The following AP2B1 variants were observed in gnomAD, a reference collection of about 807,000 sequenced individuals.
The protein encoded by AP2B1 is adaptor related protein complex 2 subunit beta 1.
Under a neutral mutation model 102.0 loss-of-function variants are expected in AP2B1, and 23 were observed. That is an observed-to-expected ratio of 0.23 (90% CI 0.16 to 0.32). The LOEUF (loss-of-function observed/expected upper bound fraction) is 0.32. Ranked by LOEUF, AP2B1 falls within the 10% of genes least tolerant of loss-of-function variation. The pLI is 1.00. For missense variants in AP2B1, 541 were observed against 1,157.4 expected, an observed-to-expected ratio of 0.47 and a Z score of 7.73; for synonymous variants, 381 against 421.2, an observed-to-expected ratio of 0.90 and a Z score of 1.17.
intron 12 of AP2B1, among the ~76,000 whole-genome samples, chr17:35,643,003 T>C (rs1235779549): frequency 6.6e-6 from 1 of 151,680 alleles, no homozygotes; most frequent in Non-Finnish European, 1.5e-5. Flanking sequence ...ACAATTTCTT[T>C]ATTCCTCCCA....
At chr17:35,696,092 C>A (rs1184250796) in intron 18 of AP2B1, among the ~76,000 whole-genome samples, 1 of 152,118 alleles carries the variant, frequency 6.6e-6, no homozygotes, top group Non-Finnish European at 1.5e-5. Context: ...GGTGATCTAG[C>A]TATGCCTTTC....
intron 18 of AP2B1, among the ~76,000 whole-genome samples, chr17:35,691,288 TC>T (rs1355070986): frequency 6.6e-6 from 1 of 152,180 alleles, no homozygotes; most frequent in African/African-American, 2.4e-5. Flanking sequence ...CCCTTGCTAC[TC>T]CTACATGTAG....
At chr17:35,612,226 A>C (rs927698177) in intron 5 of AP2B1, among the ~76,000 whole-genome samples, 14 of 152,172 alleles carry the variant, frequency 9.2e-5, no homozygotes, top group African/African-American at 3.4e-4. Flanking sequence ...GGAGTGTAAA[A>C]TTTAAGAAGA....
chr17:35,608,130 T>A lies in AP2B1; in HGVS notation c.280-12T>A. On this transcript the variant is annotated splice_polypyrimidine_tract_variant and intron_variant, in intron 4 of 21. Transcript: ENST00000610402. ...ATGTATACCTACAGTTGTTGGTGAT[T>A]GTTTTCTGCAGGACTGTGAAGATCC... 6.2e-7 allele frequency: 1 copy of A among 1,612,352 alleles called. No individual in the cohort carries two copies. Among genetic ancestry groups the A allele is most frequent in the Non-Finnish European group, 8.5e-7 (1 of 1,179,718 alleles).
At chr17:35,676,293 A>G (rs1294021600) in intron 17 of AP2B1, among the ~76,000 whole-genome samples, 1 of 152,062 alleles carries the variant, frequency 6.6e-6, no homozygotes, top group Non-Finnish European at 1.5e-5. Context: ...CATGTTTACT[A>G]TGATGTCTGT....
At chr17:35,687,921 A>G (rs761617243) in intron 18 of AP2B1, among the ~76,000 whole-genome samples, 5 of 152,220 alleles carry the variant, frequency 3.3e-5, no homozygotes, top group South Asian at 2.1e-4. Flanking sequence ...TTTTTCCTCA[A>G]TAAAACTTTT....
chr17:35,623,959 T>A lies in AP2B1; in HGVS notation c.526-438T>A, dbSNP rs2074251445. On this transcript the variant is annotated intron_variant, in intron 5 of 21. Coordinates refer to ENST00000610402, the MANE Select transcript of AP2B1 (RefSeq NM_001030006.2). ...ACTCTAAGACTTGTAGTATGATTAA[T>A]GGTGTCACCTCCCCCAAACCCATAC... Among the ~76,000 whole-genome samples the A allele has an allele frequency of 2.0e-5, 3 of 152,328 alleles. No homozygotes were observed. In the South Asian group the frequency reaches 6.2e-4, roughly 32 times the overall value.
chr17:35,640,983 ATTAAGCCCTTTTTT>A (rs2074762888), intron 11 of AP2B1, among the ~76,000 whole-genome samples: 2 of 152,236 alleles, frequency 1.3e-5, no homozygotes, highest in Non-Finnish European at 2.9e-5. Flanking sequence ...CCAATAAATT[ATTAAGCCCTTTTTT>A]CTTGGCATTT....
chr17:35,719,716 C>T (rs1406068922), intron 21 of AP2B1, among the ~76,000 whole-genome samples: 1 of 152,132 alleles, frequency 6.6e-6, no homozygotes, highest in Non-Finnish European at 1.5e-5. Flanking sequence ...TATACAGTGA[C>T]CTGGTGTGGT....
intron 18 of AP2B1, among the ~76,000 whole-genome samples, chr17:35,704,641 G>A (rs1598331789): frequency 6.6e-6 from 1 of 152,154 alleles, no homozygotes; most frequent in Non-Finnish European, 1.5e-5. Context: ...AGGTGTTAGA[G>A]CTTTCTGGGA....
chr17:35,634,690 T>C (rs1000255992), intron 9 of AP2B1, among the ~76,000 whole-genome samples: 8 of 152,300 alleles, frequency 5.3e-5, no homozygotes, highest in Non-Finnish European at 1.0e-4. Flanking sequence ...TATTGGTAAA[T>C]TGTCGAGTAC....
chr17:35,688,554 T>C (rs1210401094), intron 18 of AP2B1, among the ~76,000 whole-genome samples: 1 of 152,222 alleles, frequency 6.6e-6, no homozygotes, highest in Non-Finnish European at 1.5e-5. Flanking sequence ...GCTCTCCCCT[T>C]CATTTTCTCT....
rs2073652376 is a variant in AP2B1, at chr17:35,605,688, T to C, written c.144-17T>C. 1 of 1,590,400 alleles carries C rather than the reference T, an allele frequency of 6.3e-7. No homozygotes were observed. The highest frequency in any genetic ancestry group is 1.1e-5 in the South Asian group (1 of 88,826). On this transcript the variant is annotated splice_polypyrimidine_tract_variant and intron_variant, in intron 3 of 21. Coordinates refer to ENST00000610402, the MANE Select transcript of AP2B1 (RefSeq NM_001030006.2). ...CACCTGCTTACTTTCCTTTTCTCTT[T>C]TACCCTCTCTTCTCAGTTCTCTCTT...
At chr17:35,651,023 G>A (rs904237570) in intron 13 of AP2B1, 3 of 485,738 alleles carry the variant, frequency 6.2e-6, no homozygotes, top group African/African-American at 1.9e-5. Context: ...ACTCCTCTGT[G>A]TTCCAATCTA....
intron 18 of AP2B1, among the ~76,000 whole-genome samples, chr17:35,685,704 T>C (rs2075915971): frequency 1.3e-5 from 2 of 152,212 alleles, no homozygotes; most frequent in African/African-American, 2.4e-5. Context: ...CTCATTAAAC[T>C]ACTTATTGGC....
intron 4 of AP2B1, among the ~76,000 whole-genome samples, chr17:35,607,502 CA>C (rs1370723600): frequency 6.6e-6 from 1 of 152,184 alleles, no homozygotes; most frequent in African/African-American, 2.4e-5. Flanking sequence ...GGCTTAAAGA[CA>C]TTTTTTTAGT....
chr17:35,703,052 C>T (rs1474847051), intron 18 of AP2B1, among the ~76,000 whole-genome samples: 1 of 151,826 alleles, frequency 6.6e-6, no homozygotes, highest in Non-Finnish European at 1.5e-5. Flanking sequence ...GCAGGTGGAT[C>T]ATGAGGTCAG....
intron 6 of AP2B1, among the ~76,000 whole-genome samples, chr17:35,625,428 G>A (rs930493841): frequency 1.3e-5 from 2 of 152,132 alleles, no homozygotes; most frequent in Non-Finnish European, 2.9e-5. Context: ...ATCACTGAAA[G>A]TACAAATATA....
chr17:35,700,820 A>G (rs2143002752), intron 18 of AP2B1, among the ~76,000 whole-genome samples: 1 of 152,324 alleles, frequency 6.6e-6, no homozygotes, highest in South Asian at 2.1e-4. Context: ...GCAGCCTCTT[A>G]AAGTAACTTT....
Sources: gnomAD v4.1 joint callset for allele counts (sites outside exome capture counted in the v4.1 genomes callset) on GRCh38, gnomAD v4.1.1 for gene constraint, MANE v1.5 for transcripts, NCBI Gene and HGNC (gene_info 2026-07-23, HGNC 2026-07-21) for gene names.